CCDC50: variants seen among roughly 807,000 people sequenced by gnomAD.
CCDC50 encodes coiled-coil domain containing 50, also known as coiled-coil domain-containing protein 50.
A neutral mutation model predicts 70.2 loss-of-function variants in CCDC50; 54 were observed. That is an observed-to-expected ratio of 0.77 (90% CI 0.62 to 0.96). CCDC50 has a LOEUF of 0.96. CCDC50 is among the 50% of genes least tolerant of loss of function. The pLI is 0.00. For missense variants in CCDC50, 558 were observed against 578.7 expected, an observed-to-expected ratio of 0.96 and a Z score of 0.37; for synonymous variants, 216 against 198.8, an observed-to-expected ratio of 1.09 and a Z score of -0.73.
intron 9 of CCDC50, among the ~76,000 whole-genome samples, chr3:191,382,304 A>G (rs1713346196): frequency 6.6e-6 from 1 of 152,174 alleles, no homozygotes; most frequent in Admixed American, 6.5e-5. Flanking sequence ...ACTGGCTGGA[A>G]ATCAGCCTAA....
rs886270868 is a variant in CCDC50, at chr3:191,351,643, C to T, written c.50-5445C>T. ...AGGCGAAAACAAAAATGAGAGACTT[C>T]GGAAGCAAATGCAAGAAGAGAAAAA... On this transcript the variant is annotated intron_variant, in intron 1 of 11. Coordinates refer to ENST00000392455, the MANE Select transcript of CCDC50 (RefSeq NM_178335.3). Among the ~76,000 whole-genome samples the T allele has an allele frequency of 1.6e-4, 22 of 140,982 alleles. 3 individuals are homozygous for T. Among genetic ancestry groups the T allele is most frequent in the Non-Finnish European group, 2.4e-4 (15 of 62,612 alleles). 92.5% of individuals were successfully genotyped at this position (140,982 alleles called of 152,430 possible). A position where few individuals can be genotyped will look rare whatever the true frequency, so the allele number is the denominator to read the frequency against.
chr3:191,398,330 A>G lies in CCDC50; in HGVS notation c.*6570A>G, dbSNP rs1713928254. 1 of 152,228 alleles carries G rather than the reference A, an allele frequency of 6.6e-6. No individual in the cohort carries two copies. Among genetic ancestry groups the G allele is most frequent in the Non-Finnish European group, 1.5e-5 (1 of 68,040 alleles). The allele number at this position is 152,228 out of a possible 1,614,324, so 9.4% of individuals were successfully genotyped here. On this transcript the variant is annotated 3_prime_UTR_variant, in exon 12 of 12. Coordinates refer to ENST00000392455, the MANE Select transcript of CCDC50 (RefSeq NM_178335.3). ...ATATTATGAATAATTTTTAAACCAAAGTATTCTATAAGTCTGTGTGCTTTG... is the reference window on the plus strand; with the variant it reads ...ATATTATGAATAATTTTTAAACCAAGGTATTCTATAAGTCTGTGTGCTTTG...
chr3:191,336,589 A>G (rs373738821), intron 1 of CCDC50, among the ~76,000 whole-genome samples: 61 of 152,286 alleles, frequency 4.0e-4, no homozygotes, highest in Admixed American at 1.2e-3. Context: ...CAGTTTGCCC[A>G]TGTCCATGCT....
At position 191,361,093 on chromosome 3, in the gene CCDC50, T is replaced by A; in HGVS notation, c.264T>A (p.Ala88=). The A allele has an allele frequency of 6.2e-7, 1 of 1,613,808 alleles. No individual in the cohort carries two copies. Among genetic ancestry groups the A allele is most frequent in the Non-Finnish European group, 8.5e-7 (1 of 1,179,736 alleles). Residue 88 remains alanine, a synonymous_variant, in exon 4 of 12, where the codon GCT becomes GCA. Coordinates refer to ENST00000392455, the MANE Select transcript of CCDC50 (RefSeq NM_178335.3). ...GTGAACAACAAGACTGTGAAATTGC[T>A]CAGGAAATTCAGGAGAAGCTGGCTA... ...KDLEQQDCEI[A]QEIQEKLAIE...
Position 191,392,095 on chromosome 3 carries a change from T to G in CCDC50, c.*335T>G. On this transcript the variant is annotated 3_prime_UTR_variant, in exon 12 of 12. Coordinates refer to ENST00000392455, the MANE Select transcript of CCDC50 (RefSeq NM_178335.3). ...GTAGGCCTTATTTAGCAATTCAAAT[T>G]TTATGGAGATGAATGATCAAAGTGA... The G allele has an allele frequency of 4.3e-6, 1 of 231,068 alleles. No individual in the cohort carries two copies. The highest frequency in any genetic ancestry group is 8.5e-6 in the Non-Finnish European group (1 of 117,324). 14.3% of individuals were successfully genotyped at this position (231,068 alleles called of 1,614,324 possible).
rs186781936 is a variant in CCDC50, at chr3:191,380,423, T to C, written c.1092+149T>C. ...AAATCATGACAATAGGAATAGAGTATCCACTTTTGCTTAGTGAGTAAGCAT... is the reference window on the plus strand; with the variant it reads ...AAATCATGACAATAGGAATAGAGTACCCACTTTTGCTTAGTGAGTAAGCAT... On this transcript the variant is annotated intron_variant, in intron 7 of 11. Coordinates refer to ENST00000392455, the MANE Select transcript of CCDC50 (RefSeq NM_178335.3). 3.7e-5 allele frequency: 26 copies of C among 711,184 alleles called. No individual in the cohort carries two copies. In the African/African-American group the frequency reaches 4.5e-4, roughly 12 times the overall value. The allele number at this position is 711,184 out of a possible 1,614,324, so 44.1% of individuals were successfully genotyped here.
chr3:191,387,611 T>A (rs1372184008), intron 10 of CCDC50, among the ~76,000 whole-genome samples: 5 of 149,040 alleles, frequency 3.4e-5, no homozygotes, highest in African/African-American at 1.3e-4. Context: ...GAAGTACTCT[T>A]AAGAAGTACT....
At chr3:191,384,537 ATAG>A (rs747495883) in intron 10 of CCDC50, among the ~76,000 whole-genome samples, 1 of 152,178 alleles carries the variant, frequency 6.6e-6, no homozygotes, top group Admixed American at 6.5e-5. Flanking sequence ...AAGTGTAGTA[ATAG>A]TAGTAGTGAG....
intron 1 of CCDC50, among the ~76,000 whole-genome samples, chr3:191,343,772 C>T: frequency 6.6e-6 from 1 of 152,144 alleles, no homozygotes; most frequent in Admixed American, 6.5e-5. Context: ...ATCCAGGGTA[C>T]TTCAGTAAGT....
chr3:191,366,830 T>C (rs139690799), intron 4 of CCDC50, among the ~76,000 whole-genome samples: 16 of 152,216 alleles, frequency 1.1e-4, no homozygotes, highest in Non-Finnish European at 1.8e-4. Flanking sequence ...TCTAGACTTA[T>C]CATTAACAGG....
chr3:191,388,269 T>G (rs383437), intron 10 of CCDC50, among the ~76,000 whole-genome samples: 126,438 of 151,992 alleles, frequency 0.83, 52,861 homozygotes, highest in Non-Finnish European at 0.85. Flanking sequence ...ATATAGTCTT[T>G]TATACAGATG....
intron 5 of CCDC50, among the ~76,000 whole-genome samples, chr3:191,374,755 C>G (rs1381388322): frequency 5.3e-5 from 8 of 152,170 alleles, no homozygotes. Flanking sequence ...TGTTTAATGG[C>G]TATAATTTTG....
intron 11 of CCDC50, among the ~76,000 whole-genome samples, chr3:191,390,446 T>G (rs1713654105): frequency 1.1e-4 from 1 of 8,850 alleles, no homozygotes; most frequent in Non-Finnish European, 3.5e-4. Context: ...TGTGGGCTGC[T>G]GGTTGCCCAT....
intron 1 of CCDC50, among the ~76,000 whole-genome samples, chr3:191,341,563 C>T (rs1394921891): frequency 4.6e-5 from 7 of 152,212 alleles, no homozygotes; most frequent in African/African-American, 7.2e-5. Context: ...GAAGTCTTAG[C>T]ATCCTCCTCA....
In CCDC50 at chr3:191,382,734, T is replaced by A. The variant is rs1487861805; in HGVS notation, c.1243-12T>A. 6.3e-7 allele frequency: 1 copy of A among 1,580,374 alleles called. No individual in the cohort carries two copies. Among genetic ancestry groups the A allele is most frequent in the Admixed American group, 1.7e-5 (1 of 59,898 alleles). ...GTTATTTTTGTTTGTTTGTTTGTATTTTTGTCCATAGCCAAAAACAGCTAA... is the reference window on the plus strand; with the variant it reads ...GTTATTTTTGTTTGTTTGTTTGTATATTTGTCCATAGCCAAAAACAGCTAA... On this transcript the variant is annotated splice_polypyrimidine_tract_variant and intron_variant, in intron 9 of 11. Transcript: ENST00000392455.
chr3:191,350,994 A>T (rs992442205), intron 1 of CCDC50, among the ~76,000 whole-genome samples: 1 of 139,998 alleles, frequency 7.1e-6, no homozygotes, highest in African/African-American at 2.5e-5. Flanking sequence ...GTATGTGTGT[A>T]TGTGGGGGAT....
chr3:191,363,031 G>A (rs1043246390), intron 4 of CCDC50, among the ~76,000 whole-genome samples: 1 of 151,300 alleles, frequency 6.6e-6, no homozygotes. Context: ...AAATACCAGA[G>A]TAGTGAAGTT....
intron 9 of CCDC50, among the ~76,000 whole-genome samples, chr3:191,382,125 C>G (rs415424): frequency 6.6e-6 from 1 of 152,138 alleles, no homozygotes; most frequent in African/African-American, 2.4e-5. Flanking sequence ...AGATTCTTTG[C>G]TACCTTAACT....
At chr3:191,352,482 T>C (rs1367337152) in intron 1 of CCDC50, among the ~76,000 whole-genome samples, 1 of 142,506 alleles carries the variant, frequency 7.0e-6, no homozygotes, top group Non-Finnish European at 1.6e-5. Flanking sequence ...TTTGCTTTAC[T>C]GCGCTTTGGA....
Sources: gnomAD v4.1 joint callset for allele counts (sites outside exome capture counted in the v4.1 genomes callset) on GRCh38, gnomAD v4.1.1 for gene constraint, MANE v1.5 for transcripts, NCBI Gene and HGNC (gene_info 2026-07-23, HGNC 2026-07-21) for gene names.